The following CPED1 variants were observed in gnomAD, a reference collection of about 807,000 sequenced individuals.
CPED1 encodes the protein cadherin-like and PC-esterase domain-containing protein 1.
Under a neutral mutation model 128.2 loss-of-function variants are expected in CPED1, and 114 were observed. The ratio of observed to expected loss-of-function variants is 0.89; its 90% CI spans 0.76 to 1.04. The LOEUF (loss-of-function observed/expected upper bound fraction) is 1.04, where lower values mean the gene tolerates loss of function less well. CPED1 is among the 50% of genes least tolerant of loss of function. CPED1 has a pLI of 0.00. For synonymous variants in CPED1, 462 were observed against 426.7 expected, an observed-to-expected ratio of 1.08 and a Z score of -1.02; for missense variants, 1,211 against 1,207.1, an observed-to-expected ratio of 1.00 and a Z score of -0.05.
intron 22 of CPED1, among the ~76,000 whole-genome samples, chr7:121,282,365 C>G (rs951731470): frequency 2.6e-5 from 4 of 151,968 alleles, no homozygotes; most frequent in Non-Finnish European, 5.9e-5. Flanking sequence ...TCCAGTCGAC[C>G]CTTTAGTTGG....
intron 21 of CPED1, among the ~76,000 whole-genome samples, chr7:121,268,001 T>TA (rs1562857136): frequency 6.6e-6 from 1 of 151,152 alleles, no homozygotes; most frequent in Non-Finnish European, 1.5e-5. Context: ...GGACAGCAGA[T>TA]CTTCTGTGAT....
chr7:121,208,672 A>G (rs1215950066), intron 16 of CPED1, among the ~76,000 whole-genome samples: 2 of 152,010 alleles, frequency 1.3e-5, no homozygotes, highest in African/African-American at 4.8e-5. Context: ...TTAGATCTGA[A>G]TCCTTCTATT....
intron 4 of CPED1, among the ~76,000 whole-genome samples, chr7:121,057,046 C>T (rs1315556907): frequency 2.0e-5 from 3 of 151,950 alleles, no homozygotes; most frequent in African/African-American, 4.8e-5. Context: ...GGCGCAATCT[C>T]GGCTCACTGA....
intron 16 of CPED1, among the ~76,000 whole-genome samples, chr7:121,214,041 G>C (rs547490525): frequency 6.6e-6 from 1 of 152,036 alleles, no homozygotes; most frequent in African/African-American, 2.4e-5. Flanking sequence ...TCATGATCTA[G>C]ACATTTTGAA....
chr7:121,130,370 T>A, intron 12 of CPED1, 76 bp downstream of exon 12: 4 of 1,272,084 alleles, frequency 3.1e-6, no homozygotes, highest in South Asian at 1.5e-5. Context: ...AGGCTTTGCC[T>A]ATGTTAAAGC....
At chr7:121,234,571 T>C (rs950495846) in intron 16 of CPED1, among the ~76,000 whole-genome samples, 2 of 151,880 alleles carry the variant, frequency 1.3e-5, no homozygotes, top group African/African-American at 4.8e-5. Context: ...CAAACTAAGA[T>C]TGAGTTTCAC....
At chr7:121,006,639 G>A (rs762876543) in intron 2 of CPED1, among the ~76,000 whole-genome samples, 10 of 151,992 alleles carry the variant, frequency 6.6e-5, no homozygotes, top group African/African-American at 1.4e-4. Flanking sequence ...GGTGAACTAC[G>A]TTCTCTTTAT....
intron 16 of CPED1, among the ~76,000 whole-genome samples, chr7:121,190,099 A>C (rs1383384819): frequency 6.6e-6 from 1 of 151,984 alleles, no homozygotes; most frequent in East Asian, 1.9e-4. Context: ...TGCTCTGAAG[A>C]AAAATTAAAC....
intron 7 of CPED1, among the ~76,000 whole-genome samples, chr7:121,102,517 A>C (rs1248402324): frequency 6.6e-6 from 1 of 152,098 alleles, no homozygotes; most frequent in East Asian, 1.9e-4. Flanking sequence ...CTTAGGCATA[A>C]AAGCACAGGG....
Position 121,067,161 on chromosome 7 carries a change from C to T in CPED1, c.616+2848C>T, listed in dbSNP as rs192001179. On this transcript the variant is annotated intron_variant, in intron 5 of 22. Transcript: ENST00000310396. ...TAAGTTTTAGGGTACATGTGCACAA[C>T]GTGCAGGTTTGTTACATATGTATAC... 2.5e-4 allele frequency among the ~76,000 whole-genome samples: 38 copies of T among 151,950 alleles called. 1 individual carries two copies. In the East Asian group the frequency reaches 5.4e-3, roughly 22 times the overall value.
chr7:121,257,720 A>G (rs1791917860), intron 18 of CPED1, among the ~76,000 whole-genome samples: 1 of 152,084 alleles, frequency 6.6e-6, no homozygotes, highest in Non-Finnish European at 1.5e-5. Flanking sequence ...GAGAATGATA[A>G]AAATATACAA....
intron 2 of CPED1, among the ~76,000 whole-genome samples, chr7:121,001,147 G>A (rs1180310428): frequency 6.6e-6 from 1 of 152,130 alleles, no homozygotes; most frequent in Non-Finnish European, 1.5e-5. Context: ...AATGTTTGAA[G>A]CTACTTGTCC....
At chr7:121,267,097 T>G (rs798916) in intron 20 of CPED1, 118 bp from the exon 21 acceptor site, 1 of 666,086 alleles carries the variant, frequency 1.5e-6, no homozygotes, top group African/African-American at 1.8e-5. Context: ...GAGCATTTAG[T>G]CTTTTATGCC....
intron 3 of CPED1, among the ~76,000 whole-genome samples, chr7:121,040,858 T>A (rs1292450013): frequency 2.6e-5 from 4 of 152,074 alleles, no homozygotes; most frequent in Non-Finnish European, 5.9e-5. Context: ...AAATGAGGCT[T>A]GGCTTTTGTA....
At chr7:121,217,987 A>AT (rs1420597337) in intron 16 of CPED1, among the ~76,000 whole-genome samples, 1 of 109,334 alleles carries the variant, frequency 9.1e-6, no homozygotes, top group Non-Finnish European at 2.0e-5. Flanking sequence ...GGTTTTTGCC[A>AT]ATTTTTTTTT....
intron 22 of CPED1, among the ~76,000 whole-genome samples, chr7:121,279,703 C>T (rs1792409779): frequency 6.6e-6 from 1 of 152,180 alleles, no homozygotes; most frequent in Non-Finnish European, 1.5e-5. Flanking sequence ...CCCTGAGTTC[C>T]TTACCCCAGC....
intron 22 of CPED1, among the ~76,000 whole-genome samples, chr7:121,289,585 T>G (rs1792650182): frequency 6.6e-6 from 1 of 152,162 alleles, no homozygotes; most frequent in Non-Finnish European, 1.5e-5. Flanking sequence ...ATACTCAATT[T>G]TGTTTATATG....
At chr7:121,292,131 C>G (rs1321397990) in intron 22 of CPED1, among the ~76,000 whole-genome samples, 4 of 152,094 alleles carry the variant, frequency 2.6e-5, no homozygotes, top group Admixed American at 2.6e-4. Flanking sequence ...TTCTCCCCAT[C>G]ACTTTCAGGT....
chr7:121,188,415 C>T (rs115836029), intron 16 of CPED1, among the ~76,000 whole-genome samples: 1 of 152,244 alleles, frequency 6.6e-6, no homozygotes, highest in South Asian at 2.1e-4. Context: ...CTTTGCATCA[C>T]AAACAACAAA....
Sources: allele counts gnomAD v4.1 joint callset (sites outside exome capture counted in the v4.1 genomes callset), GRCh38; gene constraint gnomAD v4.1.1; transcripts MANE v1.5; gene names NCBI Gene and HGNC (gene_info 2026-07-23, HGNC 2026-07-21).